The following TRAK1 variants were observed in gnomAD, a reference collection of about 807,000 sequenced individuals.
The protein encoded by TRAK1 is trafficking kinesin-binding protein 1.
A neutral mutation model predicts 92.1 loss-of-function variants in TRAK1; 33 were observed. The ratio of observed to expected loss-of-function variants is 0.36; its 90% confidence interval spans 0.27 to 0.48. The LOEUF is 0.48. TRAK1 is among the 20% of genes least tolerant of loss of function. The probability of loss-of-function intolerance (pLI) is 0.99; values close to 1 mark genes in which losing one functional copy is unlikely to be tolerated. For synonymous variants in TRAK1, 521 were observed against 517.3 expected (o/e 1.01, Z -0.10); for missense variants, 1,123 against 1,257.9 (o/e 0.89, Z 1.62).
In TRAK1 at chr3:42,065,160, G is replaced by A. The variant is rs1394680971; in HGVS notation, c.-518-21944G>A. Reference sequence around the variant, plus strand: ...CCAGCTACTCTGGAGTCTGAGGCACGAGAACTGTTTGAACCTGGAAGGTGG... The same window carrying A: ...CCAGCTACTCTGGAGTCTGAGGCACAAGAACTGTTTGAACCTGGAAGGTGG... On this transcript the variant is annotated intron_variant, in intron 1 of 16. Coordinates refer to the TRAK1 transcript ENST00000487159. 2.0e-5 allele frequency among the ~76,000 whole-genome samples: 3 copies of A among 152,146 alleles called. No individual in the cohort carries two copies. The East Asian group carries it at 5.8e-4, about 29-fold the overall frequency.
At chr3:42,109,143 A>G (rs576716245) in intron 1 of TRAK1, among the ~76,000 whole-genome samples, 1 of 152,292 alleles carries the variant, frequency 6.6e-6, no homozygotes, top group African/African-American at 2.4e-5. Context: ...ATTCATTCTT[A>G]TGTCAAACGG....
rs376544658 is a variant in TRAK1 at position 42,150,131 on chromosome 3, C to T, written c.286+24517C>T. The stretch of plus-strand genomic sequence containing the variant: ...GCAGCTTACCACTTAGCGGGTGATT[C>T]AAATGAAGTTTGCTTGTTGGATCCA... On this transcript the variant is annotated intron_variant, in intron 2 of 15. Coordinates refer to ENST00000327628, the MANE Select transcript of TRAK1 (RefSeq NM_001042646.3). Among the ~76,000 whole-genome samples the T allele has an allele frequency of 7.5e-4, 113 of 151,220 alleles. 2 individuals are homozygous for T. In the South Asian group the frequency reaches 0.022, roughly 29 times the overall value.
At chr3:42,168,604 C>T (rs1702161058) in intron 2 of TRAK1, among the ~76,000 whole-genome samples, 2 of 151,924 alleles carry the variant, frequency 1.3e-5, no homozygotes, top group African/African-American at 4.8e-5. Context: ...TTTTTTGAGA[C>T]AGAGTCTTCA....
chr3:42,134,310 T>C (rs1246541865), intron 2 of TRAK1, among the ~76,000 whole-genome samples: 2 of 151,032 alleles, frequency 1.3e-5, no homozygotes, highest in African/African-American at 4.9e-5. Context: ...TTAATCTTGC[T>C]CTGTTGCCCA....
At chr3:42,121,140 C>T (rs768620907) in intron 1 of TRAK1, among the ~76,000 whole-genome samples, 1 of 152,134 alleles carries the variant, frequency 6.6e-6, no homozygotes, top group Non-Finnish European at 1.5e-5. Context: ...CCGCAGCCCT[C>T]GTGCATCCCA....
At chr3:42,163,420 T>C (rs1007522826) in intron 2 of TRAK1, among the ~76,000 whole-genome samples, 2 of 151,704 alleles carry the variant, frequency 1.3e-5, no homozygotes, top group Admixed American at 1.3e-4. Flanking sequence ...AATGCAAAAA[T>C]TAGCTGGGCA....
chr3:42,146,810 C>T (rs1050504937), intron 2 of TRAK1, among the ~76,000 whole-genome samples: 3 of 152,170 alleles, frequency 2.0e-5, no homozygotes, highest in Admixed American at 2.0e-4. Context: ...TCCTTCTTGG[C>T]CTCCCAAAGT....
intron 2 of TRAK1, among the ~76,000 whole-genome samples, chr3:42,142,521 G>C (rs981463576): frequency 3.3e-5 from 5 of 152,194 alleles, no homozygotes; most frequent in Non-Finnish European, 7.3e-5. Context: ...AGTATAGTCT[G>C]TGCCCACAGC....
chr3:42,193,975 C>T, intron 9 of TRAK1, 77 bp downstream of exon 9: 2 of 1,301,214 alleles, frequency 1.5e-6, no homozygotes, highest in South Asian at 2.6e-5. Context: ...CAGCTTTAGT[C>T]ACGTCCATCG....
chr3:42,050,872 G>C (rs745372819), intron 1 of TRAK1, among the ~76,000 whole-genome samples: 2 of 151,956 alleles, frequency 1.3e-5, no homozygotes, highest in Non-Finnish European at 2.9e-5. Flanking sequence ...TGGCCAGGCT[G>C]GTCATTATTA....
intron 3 of TRAK1, among the ~76,000 whole-genome samples, chr3:42,181,956 CTTT>C (rs202124618): frequency 5.2e-5 from 7 of 133,438 alleles, no homozygotes; most frequent in African/African-American, 2.0e-4. Flanking sequence ...AATAAGGTAC[CTTT>C]TTTTTTTTTT....
intron 1 of TRAK1, among the ~76,000 whole-genome samples, chr3:42,056,116 G>T (rs1263493438): frequency 1.3e-5 from 2 of 151,836 alleles, no homozygotes; most frequent in Non-Finnish European, 2.9e-5. Context: ...CCACTTTTTG[G>T]CTATTGTGAA....
Position 42,194,889 on chromosome 3 carries a change from C to G in TRAK1, c.1061C>G (p.Thr354Ser). 6.2e-7 allele frequency: 1 copy of G among 1,613,968 alleles called. No homozygotes were observed. ...GAGCTGAAGAACCTCCGGAACAAAA[C>G]CATGCCCAATACCACGTCTCGGCGC... is the stretch of plus-strand genomic sequence containing the variant. ...QEELKNLRNK[T>S]MPNTTSRRYH... Residue 354 changes from threonine to serine, a missense_variant, in exon 10 of 16, where the codon ACC (threonine) becomes AGC (serine). By Grantham distance (58) the Thr-to-Ser change is moderately conservative (BLOSUM62 1). Transcript: ENST00000327628.
chr3:42,222,377 C>T (rs1387015177), intron 15 of TRAK1, among the ~76,000 whole-genome samples: 6 of 152,182 alleles, frequency 3.9e-5, no homozygotes, highest in Non-Finnish European at 5.9e-5. Context: ...CAGGAGCTCA[C>T]GGCCACAACT....
intron 1 of TRAK1, among the ~76,000 whole-genome samples, chr3:42,041,032 G>A (rs1702519744): frequency 1.3e-5 from 2 of 150,280 alleles, no homozygotes; most frequent in Non-Finnish European, 2.9e-5. Flanking sequence ...GACAGTGTGA[G>A]TCCTCCAACT....
Position 42,193,077 on chromosome 3 carries a change from G to T in TRAK1, c.772G>T (p.Asp258Tyr). 1 of 1,613,926 alleles carries T rather than the reference G, an allele frequency of 6.2e-7. No individual in the cohort carries two copies. The highest frequency in any genetic ancestry group is 8.5e-7 in the Non-Finnish European group (1 of 1,179,924). ...LVNDCVKELR[D>Y]ANVQIASISE... ...TGATTGTTGCTTCTTTGTCAAAGGG[G>T]ATGCCAATGTCCAGATTGCTAGTAT... Residue 258 changes from aspartate (D) to tyrosine (Y), a missense_variant and splice_region_variant, in exon 8 of 16, where the codon GAT (aspartate) becomes TAT (tyrosine). By Grantham distance (160) the Asp-to-Tyr change is radical. This residue lies in a region of TRAK1 where 686 missense variants were observed against 747.6 expected (regional missense o/e 0.92). Coordinates refer to ENST00000327628, the MANE Select transcript of TRAK1 (RefSeq NM_001042646.3).
At position 42,071,706 on chromosome 3, in the gene TRAK1, CA is replaced by C. The variant is rs112841005; in HGVS notation, c.-518-15383del. Among the ~76,000 whole-genome samples the C allele has an allele frequency of 9.6e-3, 1,217 of 127,188 alleles. 8 individuals carry two copies. Among genetic ancestry groups the C allele is most frequent in the South Asian group, 0.038 (150 of 3,980 alleles). 83.4% of individuals were successfully genotyped at this position (127,188 alleles called of 152,430 possible). On this transcript the variant is annotated intron_variant, in intron 1 of 16. Transcript: ENST00000487159. ...CTGGATGACAAGCGAAAGTCTGTCT[CA>C]AAAAAAAAAAAAAAGATACCCACTC...
At chr3:42,194,404 T>A (rs1421123247) in intron 9 of TRAK1, among the ~76,000 whole-genome samples, 1 of 63,408 alleles carries the variant, frequency 1.6e-5, no homozygotes, top group African/African-American at 5.4e-5. Flanking sequence ...ACCTAATTTT[T>A]GCTTTTTTTT....
chr3:42,101,353 G>A (rs1448280310), intron 1 of TRAK1, among the ~76,000 whole-genome samples: 1 of 152,248 alleles, frequency 6.6e-6, no homozygotes, highest in Non-Finnish European at 1.5e-5. Flanking sequence ...GATTCAGGAA[G>A]GATGCAGGAA....
Sources: allele counts gnomAD v4.1 joint callset (sites outside exome capture counted in the v4.1 genomes callset), GRCh38; gene constraint gnomAD v4.1.1; regional missense constraint gnomAD v4.1.1; transcripts MANE v1.5; gene names NCBI Gene and HGNC (gene_info 2026-07-23, HGNC 2026-07-21).